WIPF3: variants seen among roughly 807,000 people sequenced by gnomAD.
WIPF3 encodes the protein WAS/WASL-interacting protein family member 3.
In WIPF3, 33 loss-of-function variants were observed where a neutral mutation model predicts 38.9. That is an observed-to-expected ratio of 0.85 (90% CI 0.64 to 1.14). The LOEUF (loss-of-function observed/expected upper bound fraction) is 1.14. WIPF3 is among the 50% of genes most tolerant of loss of function. WIPF3 has a pLI of 0.00. For missense variants in WIPF3, 711 were observed against 652.5 expected (o/e 1.09, Z -0.98); for synonymous variants, 324 against 269.3 (o/e 1.20, Z -1.99).
intron 8 of WIPF3, among the ~76,000 whole-genome samples, chr7:29,910,190 A>AC (rs1213885921): frequency 6.6e-6 from 1 of 152,110 alleles, no homozygotes; most frequent in East Asian, 1.9e-4. Context: ...CATCTCATGT[A>AC]CCCCATAAAT....
intron 1 of WIPF3, among the ~76,000 whole-genome samples, chr7:29,833,500 T>C (rs1784754161): frequency 6.6e-6 from 1 of 152,196 alleles, no homozygotes; most frequent in South Asian, 2.1e-4. Flanking sequence ...TAGAAATAAG[T>C]GTGATTAGTG....
chr7:29,863,397 C>T (rs1245537748), intron 2 of WIPF3, among the ~76,000 whole-genome samples: 1 of 152,240 alleles, frequency 6.6e-6, no homozygotes, highest in Non-Finnish European at 1.5e-5. Context: ...TCTAAACATT[C>T]ATACATAAGT....
At chr7:29,858,893 C>A (rs755392178) in intron 2 of WIPF3, among the ~76,000 whole-genome samples, 15 of 152,214 alleles carry the variant, frequency 9.9e-5, no homozygotes, top group Non-Finnish European at 2.2e-4. Context: ...TTTCAGCTCC[C>A]ACTGTATTTT....
chr7:29,865,729 A>G (rs1482067432), intron 2 of WIPF3, among the ~76,000 whole-genome samples: 1 of 152,216 alleles, frequency 6.6e-6, no homozygotes, highest in African/African-American at 2.4e-5. Flanking sequence ...ATTCCATTAG[A>G]TCCAGCAATG....
At position 29,876,112 on chromosome 7, in the gene WIPF3, C is replaced by T; in HGVS notation, c.223+150C>T. On this transcript the variant is annotated intron_variant, in intron 3 of 8. Transcript: ENST00000242140. ...CTGCTCATTGGACAGGCCAAGTGGG[C>T]GAGAGAACCAGAGCTTTCCCTCCAA... 6.7e-6 allele frequency: 7 copies of T among 1,050,588 alleles called. No individual in the cohort carries two copies. The South Asian group carries it at 7.8e-5, about 12-fold the overall frequency. 65.1% of individuals were successfully genotyped at this position (1,050,588 alleles called of 1,614,324 possible).
At chr7:29,906,920 C>T (rs1477120046) in intron 8 of WIPF3, among the ~76,000 whole-genome samples, 1 of 152,130 alleles carries the variant, frequency 6.6e-6, no homozygotes, top group East Asian at 1.9e-4. Context: ...TTCTACCTGG[C>T]AAAACCATTC....
At chr7:29,822,906 T>G (rs1038112442) in intron 1 of WIPF3, among the ~76,000 whole-genome samples, 12 of 152,230 alleles carry the variant, frequency 7.9e-5, no homozygotes, top group Non-Finnish European at 1.6e-4. Flanking sequence ...TCTAAAAATC[T>G]AAAAGCAAGC....
chr7:29,884,607 C>T lies in WIPF3; in HGVS notation c.1099+14C>T. 1.3e-6 allele frequency: 2 copies of T among 1,595,944 alleles called. No individual in the cohort carries two copies. Among genetic ancestry groups the T allele is most frequent in the Non-Finnish European group, 1.7e-6 (2 of 1,173,096 alleles). On this transcript the variant is annotated intron_variant, in intron 5 of 8. Coordinates refer to ENST00000242140, the MANE Select transcript of WIPF3 (RefSeq NM_001080529.3). Reference sequence around the variant, plus strand: ...ATGGCCGACCAGGTAAGGAGCGCTGCCTGGCCCAGTGCCCCTGGTGGAGTG... The same window carrying T: ...ATGGCCGACCAGGTAAGGAGCGCTGTCTGGCCCAGTGCCCCTGGTGGAGTG...
intron 2 of WIPF3, among the ~76,000 whole-genome samples, chr7:29,866,401 AAG>A (rs1223697660): frequency 6.6e-6 from 1 of 152,232 alleles, no homozygotes; most frequent in Non-Finnish European, 1.5e-5. Flanking sequence ...GCAAGGAGAG[AAG>A]AGGCCCAACA....
rs1438216421 is a variant in WIPF3, at chr7:29,823,713, G to A, written c.-57-10955G>A. Among the ~76,000 whole-genome samples, 4 of 152,206 alleles carry A rather than the reference G, an allele frequency of 2.6e-5. No homozygotes were observed. The highest frequency in any genetic ancestry group is 4.4e-5 in the Non-Finnish European group (3 of 68,006). On this transcript the variant is annotated intron_variant, in intron 1 of 8. Coordinates refer to ENST00000242140, the MANE Select transcript of WIPF3 (RefSeq NM_001080529.3). This position sits in a 1 kb window ranked among gnomAD's most constrained non-coding sequence, Gnocchi z 4.0. ...GGTGGCAGGTGATTGGATCGTGGGC[G>A]GTTTCTCATTATTGGTTTAGTGCCA...
At chr7:29,845,079 T>C (rs1215940372) in intron 2 of WIPF3, among the ~76,000 whole-genome samples, 1 of 150,616 alleles carries the variant, frequency 6.6e-6, no homozygotes, top group East Asian at 1.9e-4. Flanking sequence ...ACTTGCTTTT[T>C]GGTTCTTCCA....
chr7:29,904,841 A>C lies in WIPF3; in HGVS notation c.1428+479A>C, dbSNP rs550188589. ...ACTAGTACCCACAAGAAATGAACAGAACTAGAAGGCAAGCCAGACAGCTGC... is the reference window on the plus strand; with the variant it reads ...ACTAGTACCCACAAGAAATGAACAGCACTAGAAGGCAAGCCAGACAGCTGC... On this transcript the variant is annotated intron_variant, in intron 8 of 8. Transcript: ENST00000242140. 62 of 155,228 alleles carry C rather than the reference A, an allele frequency of 4.0e-4. 2 individuals carry two copies. In the South Asian group the frequency reaches 6.9e-3, roughly 17 times the overall value. The allele number at this position is 155,228 out of a possible 1,614,324, so 9.6% of individuals were successfully genotyped here. A position where few individuals can be genotyped will look rare whatever the true frequency, so the allele number is the denominator to read the frequency against.
At position 29,884,264 on chromosome 7, in the gene WIPF3, TCCC is replaced by T; in HGVS notation, c.771_773del (p.Pro259del). ...AAGCCTCAGCTGGCTCCCTTGCACC[TCCC>T]GCCCATCCCGCCCCCGCTCCCTCTG... On this transcript the variant is annotated inframe_deletion, in exon 5 of 9. Transcript: ENST00000242140. The T allele has an allele frequency of 4.4e-4, 572 of 1,313,798 alleles. No homozygotes were observed. Among genetic ancestry groups the T allele is most frequent in the Non-Finnish European group, 5.2e-4 (520 of 991,354 alleles). 81.4% of individuals were successfully genotyped at this position (1,313,798 alleles called of 1,614,324 possible). A position where few individuals can be genotyped will look rare whatever the true frequency, so the allele number is the denominator to read the frequency against.
chr7:29,817,823 A>T (rs981900526), intron 1 of WIPF3, among the ~76,000 whole-genome samples: 2 of 152,194 alleles, frequency 1.3e-5, no homozygotes, highest in Non-Finnish European at 2.9e-5. Context: ...GAGTAGTTAT[A>T]AAAAGCAAAC....
intron 8 of WIPF3, chr7:29,904,704 C>A: frequency 1.3e-5 from 3 of 224,188 alleles, no homozygotes; most frequent in Non-Finnish European, 2.7e-5. Flanking sequence ...AAACATAATT[C>A]AGTATTCTCT....
chr7:29,916,867 C>T lies in WIPF3; in HGVS notation c.*2351C>T, dbSNP rs1786627242. ...GCTGGTGCACTGAGTCCCTTGGGCG[C>T]TGTAAAGGTTTAACCCCTTGACTGT... On this transcript the variant is annotated 3_prime_UTR_variant, in exon 9 of 9. Transcript: ENST00000242140. 1 of 152,178 alleles carries T rather than the reference C, an allele frequency of 6.6e-6. No homozygotes were observed. Among genetic ancestry groups the T allele is most frequent in the Non-Finnish European group, 1.5e-5 (1 of 68,034 alleles). 9.4% of individuals were successfully genotyped at this position (152,178 alleles called of 1,614,324 possible).
intron 8 of WIPF3, among the ~76,000 whole-genome samples, chr7:29,914,029 A>G (rs544646364): frequency 2.5e-4 from 38 of 152,292 alleles, no homozygotes; most frequent in South Asian, 6.2e-4. Flanking sequence ...ACACAAAACA[A>G]TTGAGAAATC....
Position 29,914,545 on chromosome 7 carries a change from T to C in WIPF3, c.*29T>C. On this transcript the variant is annotated 3_prime_UTR_variant, in exon 9 of 9. Coordinates refer to ENST00000242140, the MANE Select transcript of WIPF3 (RefSeq NM_001080529.3). ...GACAGATGAAGCGAAGGTCCTGGGG[T>C]TCCAGGTTGCAGAACAACATGTCAG... The C allele has an allele frequency of 6.7e-7, 1 of 1,491,812 alleles. No individual in the cohort carries two copies. Among genetic ancestry groups the C allele is most frequent in the Non-Finnish European group, 9.0e-7 (1 of 1,117,146 alleles). 92.4% of individuals were successfully genotyped at this position (1,491,812 alleles called of 1,614,324 possible).
intron 8 of WIPF3, chr7:29,905,656 T>C (rs1245371784): frequency 6.6e-6 from 1 of 151,996 alleles, no homozygotes; most frequent in African/African-American, 2.4e-5. Flanking sequence ...CTCCAGATAC[T>C]GGGGAATCTG....
Sources: allele counts gnomAD v4.1 joint callset (sites outside exome capture counted in the v4.1 genomes callset), GRCh38; gene constraint gnomAD v4.1.1; non-coding constraint Gnocchi (gnomAD v3.1); transcripts MANE v1.5; gene names NCBI Gene and HGNC (gene_info 2026-07-23, HGNC 2026-07-21).